The following NOTCH1 variants were observed in gnomAD, a reference collection of about 807,000 sequenced individuals.
NOTCH1 encodes notch receptor 1, also known as neurogenic locus notch homolog protein 1.
Under a neutral mutation model 254.8 loss-of-function variants are expected in NOTCH1, and 37 were observed. The observed-to-expected ratio is 0.15, with a 90% CI of 0.11 to 0.19. The LOEUF (loss-of-function observed/expected upper bound fraction) is 0.19, where lower values mean the gene tolerates loss of function less well. NOTCH1 is among the 10% of genes least tolerant of loss of function. NOTCH1 has a pLI of 1.00. For synonymous variants in NOTCH1, 1,731 were observed against 1,618.1 expected (o/e 1.07, Z -1.68); for missense variants, 2,972 against 3,708.6 (o/e 0.80, Z 5.16).
intron 30 of NOTCH1, among the ~76,000 whole-genome samples, chr9:136,501,055 G>A (rs1156563872): frequency 6.6e-6 from 1 of 152,202 alleles, no homozygotes; most frequent in Non-Finnish European, 1.5e-5. Flanking sequence ...TAAACTCCTG[G>A]CGGGCAACTG....
chr9:136,537,958 T>C (rs1262444552), intron 2 of NOTCH1, among the ~76,000 whole-genome samples: 1 of 151,970 alleles, frequency 6.6e-6, no homozygotes, highest in South Asian at 2.1e-4. Context: ...CTGGGAGTGG[T>C]GGTATGTGCC....
intron 4 of NOTCH1, among the ~76,000 whole-genome samples, chr9:136,520,997 T>G (rs527849587): frequency 6.6e-6 from 1 of 152,226 alleles, no homozygotes; most frequent in Non-Finnish European, 1.5e-5. Flanking sequence ...AGGCAGGCTG[T>G]GCGACCCCAA....
chr9:136,525,796 G>A (rs960941406), intron 2 of NOTCH1, among the ~76,000 whole-genome samples: 7 of 152,208 alleles, frequency 4.6e-5, no homozygotes, highest in Admixed American at 1.3e-4. Context: ...GTTCCTGTGC[G>A]TTTCTCAGCA....
Position 136,506,980 on chromosome 9 carries a change from G to C in NOTCH1, c.3644-7C>G, listed in dbSNP as rs1243301340. The C allele has an allele frequency of 1.9e-6, 3 of 1,591,684 alleles. No homozygotes were observed. Among genetic ancestry groups the C allele is most frequent in the Non-Finnish European group, 2.6e-6 (3 of 1,170,876 alleles). On this transcript the variant is annotated splice_region_variant and splice_polypyrimidine_tract_variant and intron_variant, in intron 22 of 33. Coordinates refer to ENST00000651671, the MANE Select transcript of NOTCH1 (RefSeq NM_017617.5). The surrounding 1 kb of genome is among the most constrained non-coding windows in gnomAD (Gnocchi z 4.5). ...TTGATCTCACAGTGCACACCTGCGG[G>C]GCCAGGTTTCGTCAGTGGCCCAAGC...
chr9:136,502,355 G>A lies in NOTCH1; in HGVS notation c.5301C>T (p.Leu1767=), dbSNP rs372154581. 2.1e-5 allele frequency: 34 copies of A among 1,612,472 alleles called. No homozygotes were observed. In the African/African-American group the frequency reaches 3.2e-4, roughly 15 times the overall value. Residue 1767 remains leucine (L), a synonymous_variant, in exon 28 of 34, where the codon CTC becomes CTT. Coordinates refer to ENST00000651671, the MANE Select transcript of NOTCH1 (RefSeq NM_017617.5). The part of the protein sequence containing the change: ...SRKRRRQHGQ[L]WFPEGFKVSE... ...ACACTTTGAAGCCCTCAGGGAACCA[G>A]AGCTGGCCATGCTGCCGCCGGCGCT...
rs773527808 is a variant in NOTCH1 at position 136,510,786 on chromosome 9, G to A, written c.2607C>T (p.Asp869=). Residue 869 remains aspartate (D), a synonymous_variant, in exon 17 of 34, where the codon GAC becomes GAT. Transcript: ENST00000651671. Reference sequence around the variant, plus strand: ...ACGGGCTCAGAACGCACTCGTTGATGTCGACCTCACAGGTCTGCCCTGCGG... The same window carrying A: ...ACGGGCTCAGAACGCACTCGTTGATATCGACCTCACAGGTCTGCCCTGCGG... ...TGWQGQTCEV[D]INECVLSPCR... The A allele has an allele frequency of 6.2e-7, 1 of 1,609,876 alleles. No homozygotes were observed. The highest frequency in any genetic ancestry group is 1.1e-5 in the South Asian group (1 of 91,078).
rs746853904 is a variant in NOTCH1 at position 136,500,558 on chromosome 9, G to A, written c.5928C>T (p.Val1976=). The A allele has an allele frequency of 1.2e-6, 2 of 1,610,922 alleles. No individual in the cohort carries two copies. Among genetic ancestry groups the A allele is most frequent in the Admixed American group, 1.7e-5 (1 of 60,030 alleles). Reference sequence around the variant, plus strand: ...ACAGGCAGCCACTGCCTACCTGGAAGACACCTTGTGCGTCGGCAGACACAG... The same window carrying A: ...ACAGGCAGCCACTGCCTACCTGGAAAACACCTTGTGCGTCGGCAGACACAG... ...HAAVSADAQG[V]FQILIRNRAT... Residue 1976 remains valine (V), a synonymous_variant, in exon 31 of 34, where the codon GTC becomes GTT. Coordinates refer to ENST00000651671, the MANE Select transcript of NOTCH1 (RefSeq NM_017617.5).
rs1389258633 is a variant in NOTCH1 at position 136,546,000 on chromosome 9, G to T, written c.-214C>A. Among the ~76,000 whole-genome samples, 5 of 124,710 alleles carry T rather than the reference G, an allele frequency of 4.0e-5. No individual in the cohort carries two copies. Among genetic ancestry groups the T allele is most frequent in the East Asian group, 2.0e-4 (1 of 4,916 alleles). The allele number at this position is 124,710 out of a possible 152,430, so 81.8% of individuals were successfully genotyped here. ...TCGCTGCGCTCGCGCCCGCGCCCGC[G>T]CCCCGCGCCCCGCGCCCTTGCGCTC... On this transcript the variant is annotated 5_prime_UTR_variant, in exon 1 of 34. Transcript: ENST00000651671. This position sits in a 1 kb window ranked among gnomAD's most constrained non-coding sequence, Gnocchi z 6.8.
intron 2 of NOTCH1, among the ~76,000 whole-genome samples, chr9:136,525,055 C>T (rs1328937511): frequency 6.6e-6 from 1 of 152,206 alleles, no homozygotes; most frequent in Non-Finnish European, 1.5e-5. Context: ...AGCCCCCAGA[C>T]ACGTTTCCCT....
At chr9:136,516,590 C>T (rs1003813794) in intron 9 of NOTCH1, among the ~76,000 whole-genome samples, 9 of 152,248 alleles carry the variant, frequency 5.9e-5, no homozygotes, top group Non-Finnish European at 8.8e-5. Context: ...ATACCCTTGT[C>T]GCTGGCGTGC....
At chr9:136,515,125 G>A (rs1843243237) in intron 12 of NOTCH1, among the ~76,000 whole-genome samples, 165 bp downstream of exon 12, 1 of 152,224 alleles carries the variant, frequency 6.6e-6, no homozygotes, top group Non-Finnish European at 1.5e-5. Context: ...CCATCGTGCT[G>A]CCAGTTATAG....
At position 136,496,265 on chromosome 9, in the gene NOTCH1, A is replaced by T. The variant is rs2133314624; in HGVS notation, c.7474T>A (p.Ser2492Thr). ...LTPPSQHSYS[S>T]PVDNTPSHQL... Reference sequence around the variant, plus strand: ...TGGCTGGGGGTGTTGTCCACAGGCGAGGAGTAGCTGTGCTGCGAGGGGGGC... The same window carrying T: ...TGGCTGGGGGTGTTGTCCACAGGCGTGGAGTAGCTGTGCTGCGAGGGGGGC... The change falls in exon 34 of 34, where the codon TCG becomes ACG. Residue 2492 changes from serine (S) to threonine (T), a missense_variant. Transcript: ENST00000651671. 1 of 1,602,510 alleles carries T rather than the reference A, an allele frequency of 6.2e-7. No homozygotes were observed. Among genetic ancestry groups the T allele is most frequent in the East Asian group, 2.2e-5 (1 of 44,494 alleles).
chr9:136,510,023 G>A (rs993392733), intron 17 of NOTCH1, 62 bp from the exon 18 acceptor site: 2 of 1,486,458 alleles, frequency 1.3e-6, no homozygotes, highest in Non-Finnish European at 1.9e-6. Context: ...GCGGGAGGGG[G>A]CCGGGAAGGC....
intron 2 of NOTCH1, among the ~76,000 whole-genome samples, chr9:136,533,690 GGGGC>G (rs1843598219): frequency 6.6e-6 from 1 of 152,254 alleles, no homozygotes; most frequent in Non-Finnish European, 1.5e-5. Context: ...AGGCTTGGGT[GGGGC>G]AATGGCACCT....
At chr9:136,507,090 G>T (rs1413098913) in intron 22 of NOTCH1, 117 bp from the exon 23 acceptor site, 27 of 1,501,924 alleles carry the variant, frequency 1.8e-5, no homozygotes, top group Admixed American at 3.9e-5. Context: ...ACTCGGGAGA[G>T]GCAGGTGTCA....
intron 21 of NOTCH1, among the ~76,000 whole-genome samples, chr9:136,507,667 T>C (rs1025414416): frequency 3.9e-5 from 6 of 152,138 alleles, no homozygotes; most frequent in South Asian, 4.1e-4. Context: ...CCCCGTCCCA[T>C]AGGATAGAGG....
intron 2 of NOTCH1, among the ~76,000 whole-genome samples, chr9:136,542,234 G>A (rs921845471): frequency 6.4e-4 from 97 of 152,278 alleles, no homozygotes; most frequent in African/African-American, 2.3e-3. Context: ...AGAAGCAACA[G>A]GCCCCCAATT....
rs763584589 is a variant in NOTCH1, at chr9:136,500,810, C to T, written c.5676G>A (p.Gly1892=). ...FTPLMIASCS[G]GGLETGNSEE... is the part of the protein sequence containing the mutation. ...CGCTGTTGCCCGTCTCCAGGCCGCC[C>T]CCGCTGCAGGAGGCGATCATGAGCG... Residue 1892 remains glycine (G), a synonymous_variant, in exon 31 of 34, where the codon GGG becomes GGA. Coordinates refer to ENST00000651671, the MANE Select transcript of NOTCH1 (RefSeq NM_017617.5). 169 of 1,599,032 alleles carry T rather than the reference C, an allele frequency of 1.1e-4. No individual in the cohort carries two copies. The highest frequency in any genetic ancestry group is 1.8e-4 in the Middle Eastern group (1 of 5,648).
intron 5 of NOTCH1, among the ~76,000 whole-genome samples, chr9:136,519,211 G>A (rs886553295): frequency 5.9e-5 from 9 of 152,222 alleles, no homozygotes; most frequent in Middle Eastern, 3.2e-3. Flanking sequence ...GGTTGCAAAC[G>A]GCCCACACAG....
Sources: gnomAD v4.1 joint callset for allele counts (sites outside exome capture counted in the v4.1 genomes callset) on GRCh38, gnomAD v4.1.1 for gene constraint, Gnocchi (gnomAD v3.1) non-coding constraint, MANE v1.5 for transcripts, NCBI Gene and HGNC (gene_info 2026-07-23, HGNC 2026-07-21) for gene names.